The following NCAM2 variants were observed in gnomAD, a reference collection of about 807,000 sequenced individuals.
NCAM2 encodes the protein neural cell adhesion molecule 2, also known as N-CAM-2.
NCAM2 carries 30 observed loss-of-function variants against 98.1 expected under a neutral mutation model. The ratio of observed to expected loss-of-function variants is 0.31; its 90% CI spans 0.23 to 0.41. The LOEUF is 0.41. NCAM2 is among the 10% of genes least tolerant of loss of function. NCAM2 has a pLI of 1.00. For synonymous variants in NCAM2, 368 were observed against 342.4 expected (o/e 1.07, Z -0.83); for missense variants, 867 against 1,005.8 (o/e 0.86, Z 1.87).
intron 11 of NCAM2, among the ~76,000 whole-genome samples, chr21:21,421,949 T>A (rs2077119334): frequency 6.6e-6 from 1 of 152,208 alleles, no homozygotes; most frequent in South Asian, 2.1e-4. Flanking sequence ...TCCTTCTTTT[T>A]TCCTTGCATT....
chr21:21,506,153 G>A (rs1474272163), intron 15 of NCAM2, among the ~76,000 whole-genome samples: 1 of 152,068 alleles, frequency 6.6e-6, no homozygotes, highest in South Asian at 2.1e-4. Context: ...GACCCTAAAC[G>A]AAGTAGCAGA....
intron 12 of NCAM2, among the ~76,000 whole-genome samples, chr21:21,433,535 C>T (rs1299285284): frequency 2.6e-5 from 4 of 150,960 alleles, no homozygotes; most frequent in East Asian, 3.9e-4. Context: ...GTCAGGAGAC[C>T]GAGACCATCC....
intron 15 of NCAM2, among the ~76,000 whole-genome samples, chr21:21,501,700 T>C (rs1987648903): frequency 6.6e-6 from 1 of 151,614 alleles, no homozygotes; most frequent in Non-Finnish European, 1.5e-5. Context: ...AATTCTGACC[T>C]AGATGGAGCC....
chr21:21,138,139 T>C (rs2067097629), intron 1 of NCAM2, among the ~76,000 whole-genome samples: 1 of 152,180 alleles, frequency 6.6e-6, no homozygotes, highest in Non-Finnish European at 1.5e-5. Context: ...CTTGTGCTAG[T>C]TCCTTATCTT....
intron 1 of NCAM2, among the ~76,000 whole-genome samples, chr21:21,164,167 A>T (rs1408993515): frequency 6.6e-6 from 1 of 152,164 alleles, no homozygotes. Flanking sequence ...GGCTGGGCAA[A>T]CTCAGCCTTA....
intron 1 of NCAM2, among the ~76,000 whole-genome samples, chr21:21,220,169 A>G (rs1189994793): frequency 6.6e-6 from 1 of 152,202 alleles, no homozygotes; most frequent in Non-Finnish European, 1.5e-5. Flanking sequence ...TGTACAGTGT[A>G]TATAAAGTCT....
intron 5 of NCAM2, among the ~76,000 whole-genome samples, chr21:21,297,661 T>C (rs1425916673): frequency 6.6e-6 from 1 of 151,712 alleles, no homozygotes; most frequent in Non-Finnish European, 1.5e-5. Context: ...ATTGTCTCTC[T>C]TACTTTAACC....
intron 16 of NCAM2, among the ~76,000 whole-genome samples, chr21:21,519,666 C>T (rs1988907083): frequency 6.6e-6 from 1 of 152,050 alleles, no homozygotes; most frequent in South Asian, 2.1e-4. Context: ...TAATTCCATG[C>T]TTATTATTGA....
chr21:21,507,608 A>G (rs1203703568), intron 15 of NCAM2, among the ~76,000 whole-genome samples: 1 of 152,038 alleles, frequency 6.6e-6, no homozygotes, highest in Non-Finnish European at 1.5e-5. Context: ...CCTGGCTAAC[A>G]CGGTGAAACC....
At chr21:21,326,378 T>C (rs1345521406) in intron 6 of NCAM2, among the ~76,000 whole-genome samples, 1 of 152,202 alleles carries the variant, frequency 6.6e-6, no homozygotes, top group Non-Finnish European at 1.5e-5. Context: ...ACACTTACCA[T>C]CAAGTCAGAA....
At chr21:21,201,537 A>G (rs1270397604) in intron 1 of NCAM2, among the ~76,000 whole-genome samples, 1 of 152,234 alleles carries the variant, frequency 6.6e-6, no homozygotes, top group Non-Finnish European at 1.5e-5. Flanking sequence ...AATTAATGGA[A>G]AGAAAAGTAT....
chr21:21,436,033 C>A (rs1303435980), intron 12 of NCAM2, among the ~76,000 whole-genome samples: 1 of 152,092 alleles, frequency 6.6e-6, no homozygotes, highest in African/African-American at 2.4e-5. Flanking sequence ...GGCACTTATT[C>A]TTTCTTTAGC....
Position 21,432,184 on chromosome 21 carries a change from G to T in NCAM2, c.1557G>T (p.Pro519=), listed in dbSNP as rs370200278. ...QTTAKVSFNK[P]DSHGGVPIHH... ...CGGCCAAGGTTTCCTTCAACAAACC[G>T]GACTCCCATGGAGGTGTACCTATTC... Residue 519 remains proline, a synonymous_variant, in exon 12 of 18, where the codon CCG becomes CCT. Transcript: ENST00000400546. 9 of 1,613,994 alleles carry T rather than the reference G, an allele frequency of 5.6e-6. No homozygotes were observed. The highest frequency in any genetic ancestry group is 7.6e-6 in the Non-Finnish European group (9 of 1,179,930).
At chr21:21,059,265 A>G (rs1284381450) in intron 1 of NCAM2, among the ~76,000 whole-genome samples, 1 of 152,112 alleles carries the variant, frequency 6.6e-6, no homozygotes, top group African/African-American at 2.4e-5. Flanking sequence ...CTGCAATGTC[A>G]TTTGATCCAG....
intron 12 of NCAM2, among the ~76,000 whole-genome samples, chr21:21,452,889 TTATATAA>T (rs1334736909): frequency 2.0e-4 from 21 of 103,890 alleles, no homozygotes; most frequent in Admixed American, 2.9e-4. Context: ...ACATTATATA[TTATATAA>T]TATATAATAT....
intron 15 of NCAM2, among the ~76,000 whole-genome samples, chr21:21,488,847 A>G (rs969970247): frequency 1.3e-5 from 2 of 152,060 alleles, no homozygotes; most frequent in African/African-American, 2.4e-5. Context: ...AAGATAAACT[A>G]TAATATTGAT....
At chr21:21,052,150 A>T (rs971927537) in intron 1 of NCAM2, among the ~76,000 whole-genome samples, 34 of 74,792 alleles carry the variant, frequency 4.5e-4, no homozygotes, top group African/African-American at 1.9e-3. Context: ...CATGATGGCC[A>T]TTTTTTTTTT....
chr21:21,091,539 T>C (rs952389280), intron 1 of NCAM2, among the ~76,000 whole-genome samples: 2 of 152,146 alleles, frequency 1.3e-5, no homozygotes, highest in Non-Finnish European at 2.9e-5. Flanking sequence ...AAAAAAGGTT[T>C]AATTGGACTT....
chr21:21,237,166 G>A (rs1336170331), intron 1 of NCAM2, among the ~76,000 whole-genome samples: 2 of 152,016 alleles, frequency 1.3e-5, no homozygotes, highest in Admixed American at 1.3e-4. Flanking sequence ...AATATAATCG[G>A]CATGACTACC....
Sources: allele counts gnomAD v4.1 joint callset (sites outside exome capture counted in the v4.1 genomes callset), GRCh38; gene constraint gnomAD v4.1.1; transcripts MANE v1.5; gene names NCBI Gene and HGNC (gene_info 2026-07-23, HGNC 2026-07-21).